NAA16: variants seen among roughly 807,000 people sequenced by gnomAD.
NAA16 encodes NARG1-like protein.
Under a neutral mutation model 110.3 loss-of-function variants are expected in NAA16, and 97 were observed. That is an observed-to-expected ratio of 0.88 (90% confidence interval 0.75 to 1.04). The LOEUF (loss-of-function observed/expected upper bound fraction) is 1.04, where lower values mean the gene tolerates loss of function less well. Ranked by LOEUF, NAA16 falls within the 50% of genes least tolerant of loss-of-function variation. The pLI, the probability that NAA16 is intolerant of heterozygous loss-of-function variation, is 0.00. For synonymous variants in NAA16, 372 were observed against 330.6 expected, an observed-to-expected ratio of 1.13 and a Z score of -1.36; for missense variants, 1,017 against 1,005.1, an observed-to-expected ratio of 1.01 and a Z score of -0.16.
chr13:41,372,661 A>C (rs2043345154), intron 16 of NAA16, 71 bp from the exon 17 acceptor site: 5 of 1,418,360 alleles, frequency 3.5e-6, no homozygotes, highest in Non-Finnish European at 4.6e-6. Context: ...AACTTAAGTG[A>C]GACTGAAATA....
At chr13:41,332,140 C>T (rs2042255567) in intron 8 of NAA16, among the ~76,000 whole-genome samples, 1 of 151,674 alleles carries the variant, frequency 6.6e-6, no homozygotes, top group Non-Finnish European at 1.5e-5. Context: ...TCACTGTAGC[C>T]TCAAACCCCT....
intron 8 of NAA16, 88 bp from the exon 9 acceptor site, chr13:41,336,562 T>G: frequency 1.3e-6 from 1 of 793,524 alleles, no homozygotes; most frequent in Non-Finnish European, 2.0e-6. Context: ...CATAATTGCT[T>G]CTGAGGGAGC....
chr13:41,353,286 T>C (rs1437972165), intron 9 of NAA16, among the ~76,000 whole-genome samples: 1 of 152,222 alleles, frequency 6.6e-6, no homozygotes, highest in Non-Finnish European at 1.5e-5. Flanking sequence ...ACTAAATTTC[T>C]AAGTTTGTAA....
intron 9 of NAA16, among the ~76,000 whole-genome samples, chr13:41,347,792 A>G (rs75597686): frequency 0.077 from 11,783 of 152,256 alleles, 550 homozygotes; most frequent in East Asian, 0.2. Context: ...ATCTGCAAAT[A>G]GATCGTTTTA....
intron 2 of NAA16, among the ~76,000 whole-genome samples, chr13:41,317,691 T>C (rs1170704808): frequency 6.6e-6 from 1 of 152,210 alleles, no homozygotes; most frequent in African/African-American, 2.4e-5. Context: ...TAAAGCTTGT[T>C]TTCAAGCTTT....
At chr13:41,348,055 C>G (rs1183496390) in intron 9 of NAA16, among the ~76,000 whole-genome samples, 1 of 151,978 alleles carries the variant, frequency 6.6e-6, no homozygotes, top group Admixed American at 6.6e-5. Flanking sequence ...AAGTCTGTTA[C>G]TGAGTTCTGT....
At chr13:41,341,836 C>CTTT (rs398117249) in intron 9 of NAA16, among the ~76,000 whole-genome samples, 29 of 145,304 alleles carry the variant, frequency 2.0e-4, no homozygotes, top group African/African-American at 4.3e-4. Context: ...CAGACCAAAC[C>CTTT]TTTTTTTTTT....
Position 41,364,324 on chromosome 13 carries a change from T to C in NAA16, c.1539+2165T>C, listed in dbSNP as rs189291444. Among the ~76,000 whole-genome samples the C allele has an allele frequency of 9.5e-4, 145 of 152,304 alleles. 3 individuals carry two copies. In the East Asian group the frequency reaches 0.019, roughly 20 times the overall value. ...GTTTCAGTCAGGATACATACTGCTT[T>C]GAGCTCTTAGTAATTGGATTTGAAA... is the stretch of plus-strand genomic sequence containing the variant. On this transcript the variant is annotated intron_variant, in intron 13 of 19. Coordinates refer to ENST00000379406, the MANE Select transcript of NAA16 (RefSeq NM_024561.5).
chr13:41,317,086 CTAGATTACCTGTATTATCCTTAAGTATGT>C (rs2041829591), intron 2 of NAA16, among the ~76,000 whole-genome samples, 156 bp downstream of exon 2: 1 of 151,896 alleles, frequency 6.6e-6, no homozygotes, highest in South Asian at 2.1e-4. Flanking sequence ...TATGAGTCTT[CTAGATTACCTGTATTATCCTTAAGTATGT>C]ATACTTAAGG....
At position 41,322,983 on chromosome 13, in the gene NAA16, G is replaced by A. The variant is rs553221798; in HGVS notation, c.403-73G>A. 6.2e-5 allele frequency: 82 copies of A among 1,320,744 alleles called. No individual in the cohort carries two copies. The African/African-American group carries it at 1.0e-3, about 16-fold the overall frequency. 81.8% of individuals were successfully genotyped at this position (1,320,744 alleles called of 1,614,324 possible). ...ATAGTTCATTAGAAATGTGTTAAAG[G>A]TTAGATTGTTTTCTTAAAACTGATG... On this transcript the variant is annotated intron_variant, in intron 4 of 19. Transcript: ENST00000379406.
At chr13:41,370,412 A>G (rs778480221) in intron 15 of NAA16, among the ~76,000 whole-genome samples, 1 of 152,212 alleles carries the variant, frequency 6.6e-6, no homozygotes, top group Non-Finnish European at 1.5e-5. Context: ...ATAAGCGAAC[A>G]CCAGGATTTA....
At chr13:41,325,372 ATATTT>A (rs1157978479) in intron 5 of NAA16, among the ~76,000 whole-genome samples, 19 of 151,954 alleles carry the variant, frequency 1.3e-4, no homozygotes, top group Admixed American at 1.2e-3. Context: ...GTCTTCATTG[ATATTT>A]TATTCTGTGA....
intron 15 of NAA16, among the ~76,000 whole-genome samples, chr13:41,370,630 T>C (rs1016101995): frequency 1.3e-5 from 2 of 152,322 alleles, no homozygotes; most frequent in African/African-American, 4.8e-5. Flanking sequence ...GTCTCTGAAG[T>C]GAGGAAGTAC....
In NAA16 at chr13:41,362,130, G is replaced by A. The variant is rs760183106; in HGVS notation, c.1510G>A (p.Ala504Thr). The A allele has an allele frequency of 8.7e-6, 14 of 1,605,604 alleles. No homozygotes were observed. In the East Asian group the frequency reaches 3.2e-4, roughly 36 times the overall value. The change falls in exon 13 of 20, where the codon GCC (alanine) becomes ACC (threonine). Residue 504 changes from alanine (A) to threonine (T), a missense_variant. Ala to Thr is a moderately conservative substitution (Grantham distance 58, BLOSUM62 0). Transcript: ENST00000379406. ...AYQRLGRYGD[A>T]LKKCHEVERH... Reference sequence around the variant, plus strand: ...TCAGCGTCTGGGGAGATACGGGGATGCCTTGAAAAAATGTCATGAAGTAGA... The same window carrying A: ...TCAGCGTCTGGGGAGATACGGGGATACCTTGAAAAAATGTCATGAAGTAGA...
At chr13:41,328,230 C>A (rs550453011) in intron 6 of NAA16, among the ~76,000 whole-genome samples, 3 of 152,174 alleles carry the variant, frequency 2.0e-5, no homozygotes, top group African/African-American at 7.2e-5. Flanking sequence ...GTGTGGTTTC[C>A]TGTTACAAAG....
At chr13:41,319,652 G>T (rs529066366) in intron 3 of NAA16, among the ~76,000 whole-genome samples, 1 of 152,200 alleles carries the variant, frequency 6.6e-6, no homozygotes, top group South Asian at 2.1e-4. Context: ...AGGTAGCTGG[G>T]ACTACAGGTG....
At chr13:41,338,596 A>AT (rs749101975) in intron 9 of NAA16, among the ~76,000 whole-genome samples, 44 of 152,190 alleles carry the variant, frequency 2.9e-4, no homozygotes, top group Non-Finnish European at 3.8e-4. Flanking sequence ...AGTTATCTGA[A>AT]TTTAGTATAG....
chr13:41,375,417 G>A lies in NAA16; in HGVS notation c.2410G>A (p.Val804Ile), dbSNP rs956499036. The A allele has an allele frequency of 6.2e-7, 1 of 1,611,660 alleles. No individual in the cohort carries two copies. The highest frequency in any genetic ancestry group is 1.7e-5 in the Admixed American group (1 of 59,798). Residue 804 changes from valine to isoleucine, a missense_variant, in exon 20 of 20, where the codon GTT becomes ATT. Transcript: ENST00000379406. ...TTTGTTTCACTAGACATTAATAAAG[G>A]TTTCTGAAGCACTGCTTGATGGCAG... is the stretch of plus-strand genomic sequence containing the variant. ...KDKDVKTLIK[V>I]SEALLDGSFG... is the part of the protein sequence containing the mutation.
At chr13:41,348,069 A>G (rs908574568) in intron 9 of NAA16, among the ~76,000 whole-genome samples, 15 of 152,136 alleles carry the variant, frequency 9.9e-5, no homozygotes, top group Admixed American at 3.9e-4. Context: ...GTTCTGTCAC[A>G]TGCTTTTTCT....
Sources: allele counts gnomAD v4.1 joint callset (sites outside exome capture counted in the v4.1 genomes callset), GRCh38; gene constraint gnomAD v4.1.1; transcripts MANE v1.5; gene names NCBI Gene and HGNC (gene_info 2026-07-23, HGNC 2026-07-21).